Variants in PCDH9 observed in about 807,000 individuals in gnomAD.
PCDH9 encodes protocadherin 9.
PCDH9 carries 24 observed loss-of-function variants against 70.6 expected under a neutral mutation model. That is an observed-to-expected ratio of 0.34 (90% CI 0.25 to 0.48). The LOEUF is 0.48. PCDH9 is among the 20% of genes least tolerant of loss of function. The pLI is 0.99. For missense variants in PCDH9, 1,281 were observed against 1,503.6 expected, an observed-to-expected ratio of 0.85 and a Z score of 2.45; for synonymous variants, 562 against 558.5, an observed-to-expected ratio of 1.01 and a Z score of -0.09.
In PCDH9 at chr13:66,366,702, G is replaced by A. The variant is rs533357376; in HGVS notation, c.3341-61674C>T. Among the ~76,000 whole-genome samples, 7 of 152,048 alleles carry A rather than the reference G, an allele frequency of 4.6e-5. No individual in the cohort carries two copies. In the South Asian group the frequency reaches 1.5e-3, roughly 32 times the overall value. On this transcript the variant is annotated intron_variant, in intron 4 of 4. Coordinates refer to ENST00000377865, the MANE Select transcript of PCDH9 (RefSeq NM_203487.3). Reference sequence around the variant, plus strand: ...TCAGAGAGCATTTCGTAGTTCTTATGGTAAATGTGTACAGAGCTCCTAGAC... The same window carrying A: ...TCAGAGAGCATTTCGTAGTTCTTATAGTAAATGTGTACAGAGCTCCTAGAC...
intron 3 of PCDH9, among the ~76,000 whole-genome samples, chr13:66,633,773 G>A (rs1051421674): frequency 3.3e-5 from 5 of 152,006 alleles, no homozygotes; most frequent in African/African-American, 1.2e-4. Flanking sequence ...TTGAAAGACA[G>A]AAGTAAAAAA....
chr13:67,192,794 A>G (rs901956385), intron 2 of PCDH9, among the ~76,000 whole-genome samples: 4 of 152,162 alleles, frequency 2.6e-5, no homozygotes, highest in African/African-American at 9.7e-5. Flanking sequence ...GTCCAAAGCT[A>G]CACCTTTGAA....
intron 2 of PCDH9, among the ~76,000 whole-genome samples, chr13:67,196,038 A>G (rs1313839742): frequency 6.6e-6 from 1 of 152,208 alleles, no homozygotes; most frequent in Non-Finnish European, 1.5e-5. Context: ...AGGAGAGGTG[A>G]CACTGAAGTG....
At chr13:67,144,006 T>A (rs1480221600) in intron 2 of PCDH9, among the ~76,000 whole-genome samples, 2 of 152,062 alleles carry the variant, frequency 1.3e-5, no homozygotes, top group African/African-American at 4.8e-5. Flanking sequence ...ACAAATCAGG[T>A]CCAATATCTC....
chr13:67,052,006 T>C (rs1252428731), intron 2 of PCDH9, among the ~76,000 whole-genome samples: 1 of 152,152 alleles, frequency 6.6e-6, no homozygotes, highest in Non-Finnish European at 1.5e-5. Context: ...GACATTATTG[T>C]CCAATTTTAT....
intron 3 of PCDH9, among the ~76,000 whole-genome samples, chr13:66,688,480 G>T (rs1426927601): frequency 6.6e-6 from 1 of 152,096 alleles, no homozygotes; most frequent in Non-Finnish European, 1.5e-5. Context: ...GGAGAGATAT[G>T]CACAAAGTGT....
At chr13:67,145,771 G>C (rs931960805) in intron 2 of PCDH9, among the ~76,000 whole-genome samples, 1 of 151,726 alleles carries the variant, frequency 6.6e-6, no homozygotes, top group Non-Finnish European at 1.5e-5. Context: ...TTTTTTATAG[G>C]ATATAAAATA....
At chr13:66,967,987 T>C (rs1283412676) in intron 2 of PCDH9, among the ~76,000 whole-genome samples, 2 of 152,052 alleles carry the variant, frequency 1.3e-5, no homozygotes, top group South Asian at 2.1e-4. Context: ...CTTCAACACT[T>C]ACATTGGCAA....
chr13:67,025,770 T>C (rs2084767802), intron 2 of PCDH9, among the ~76,000 whole-genome samples: 1 of 152,150 alleles, frequency 6.6e-6, no homozygotes, highest in South Asian at 2.1e-4. Context: ...ATGTCAAACG[T>C]ATCAAATTGC....
intron 3 of PCDH9, among the ~76,000 whole-genome samples, chr13:66,841,060 G>C (rs2081109011): frequency 6.6e-6 from 1 of 152,070 alleles, no homozygotes; most frequent in African/African-American, 2.4e-5. Context: ...AATAAAAACT[G>C]TAGCATGAAG....
intron 2 of PCDH9, among the ~76,000 whole-genome samples, chr13:67,129,574 T>C (rs1246466811): frequency 6.6e-6 from 1 of 151,982 alleles, no homozygotes; most frequent in Non-Finnish European, 1.5e-5. Context: ...CCTAGCAAGG[T>C]TCTCTGCTAA....
chr13:66,563,914 T>C (rs1323056897), intron 4 of PCDH9, among the ~76,000 whole-genome samples: 1 of 152,052 alleles, frequency 6.6e-6, no homozygotes, highest in Non-Finnish European at 1.5e-5. Context: ...ATTGTTATTA[T>C]TAACGCAGGG....
At chr13:66,903,664 G>C (rs2082313408) in intron 2 of PCDH9, 59 bp from the exon 3 acceptor site, 1 of 728,126 alleles carries the variant, frequency 1.4e-6, no homozygotes, top group South Asian at 1.6e-5. Flanking sequence ...TGTCCATTGA[G>C]AGACATGGCT....
intron 4 of PCDH9, among the ~76,000 whole-genome samples, chr13:66,438,186 A>G (rs997599181): frequency 1.6e-4 from 24 of 151,830 alleles, no homozygotes; most frequent in African/African-American, 5.1e-4. Flanking sequence ...GTAAGCCAAG[A>G]TCATGGCACT....
At chr13:66,855,655 C>T (rs1013863563) in intron 3 of PCDH9, among the ~76,000 whole-genome samples, 1 of 151,900 alleles carries the variant, frequency 6.6e-6, no homozygotes, top group African/African-American at 2.4e-5. Flanking sequence ...TTATTATTGT[C>T]CTTATTATCC....
intron 3 of PCDH9, among the ~76,000 whole-genome samples, chr13:66,686,788 T>A (rs2078409559): frequency 6.6e-6 from 1 of 152,156 alleles, no homozygotes; most frequent in South Asian, 2.1e-4. Flanking sequence ...CAAACCACCA[T>A]TCTTTCTTTC....
chr13:66,418,837 CG>C (rs200236786), intron 4 of PCDH9, among the ~76,000 whole-genome samples: 114 of 46,090 alleles, frequency 2.5e-3, no homozygotes, highest in Admixed American at 8.9e-3. Context: ...ATAGATAGAC[CG>C]CTAGCCAGAC....
At chr13:67,092,208 C>A (rs1480846348) in intron 2 of PCDH9, among the ~76,000 whole-genome samples, 2 of 151,952 alleles carry the variant, frequency 1.3e-5, no homozygotes, top group African/African-American at 4.8e-5. Context: ...TTTTAAATTT[C>A]TTTATATCTA....
intron 2 of PCDH9, among the ~76,000 whole-genome samples, chr13:66,965,429 C>T (rs1287255280): frequency 1.3e-5 from 2 of 152,024 alleles, no homozygotes; most frequent in Non-Finnish European, 2.9e-5. Context: ...TCTTTCCTCG[C>T]TAGCATTTCT....
Sources: allele counts gnomAD v4.1 joint callset (sites outside exome capture counted in the v4.1 genomes callset), GRCh38; gene constraint gnomAD v4.1.1; transcripts MANE v1.5; gene names NCBI Gene and HGNC (gene_info 2026-07-23, HGNC 2026-07-21).